The following MAML3 variants were observed in gnomAD, a reference collection of about 807,000 sequenced individuals.
The protein encoded by MAML3 is mastermind-like protein 3.
A neutral mutation model predicts 101.9 loss-of-function variants in MAML3; 27 were observed. The observed-to-expected ratio is 0.27, with a 90% CI of 0.20 to 0.37. The LOEUF (loss-of-function observed/expected upper bound fraction) is 0.37. MAML3 is among the 10% of genes least tolerant of loss of function. The pLI is 1.00. For synonymous variants in MAML3, 501 were observed against 555.9 expected, an observed-to-expected ratio of 0.90 and a Z score of 1.39; for missense variants, 1,316 against 1,444.9, an observed-to-expected ratio of 0.91 and a Z score of 1.45.
At chr4:140,071,138 G>A (rs1016920870) in intron 1 of MAML3, among the ~76,000 whole-genome samples, 1 of 152,162 alleles carries the variant, frequency 6.6e-6, no homozygotes, top group Non-Finnish European at 1.5e-5. Flanking sequence ...GTCATTGTTG[G>A]GAGGACAAAA....
intron 1 of MAML3, among the ~76,000 whole-genome samples, chr4:140,059,437 C>A (rs891952566): frequency 6.6e-6 from 1 of 152,182 alleles, no homozygotes; most frequent in Admixed American, 6.5e-5. Context: ...CATCTGATAA[C>A]ACCCAGTTCC....
intron 2 of MAML3, among the ~76,000 whole-genome samples, chr4:139,771,979 C>G (rs1187403861): frequency 6.6e-6 from 1 of 150,958 alleles, no homozygotes; most frequent in Non-Finnish European, 1.5e-5. Context: ...GTGGCTCACG[C>G]CTGTAATCCC....
intron 2 of MAML3, among the ~76,000 whole-genome samples, chr4:139,848,690 T>G (rs1385254152): frequency 6.6e-6 from 1 of 152,210 alleles, no homozygotes; most frequent in Non-Finnish European, 1.5e-5. Flanking sequence ...CACTTACGTC[T>G]TATATAAATA....
At chr4:139,880,192 C>A (rs1358873828) in intron 2 of MAML3, among the ~76,000 whole-genome samples, 4 of 150,106 alleles carry the variant, frequency 2.7e-5, no homozygotes, top group Non-Finnish European at 5.9e-5. Flanking sequence ...AAAAAAAAAA[C>A]AAACAAAAAA....
chr4:139,979,942 T>C (rs1188192181), intron 1 of MAML3, among the ~76,000 whole-genome samples: 2 of 152,134 alleles, frequency 1.3e-5, no homozygotes, highest in Non-Finnish European at 2.9e-5. Context: ...AGTAGGAATA[T>C]CCCATTGTCC....
chr4:139,988,305 C>G (rs10009163), intron 1 of MAML3, among the ~76,000 whole-genome samples: 3 of 124,312 alleles, frequency 2.4e-5, no homozygotes, highest in Admixed American at 2.1e-4. Flanking sequence ...CCAGCCTGGG[C>G]GACAGAGTGA....
In MAML3 at chr4:139,890,447, T is replaced by C. The variant is rs1732451935; in HGVS notation, c.989A>G (p.Asn330Ser). 3 of 1,611,748 alleles carry C rather than the reference T, an allele frequency of 1.9e-6. No individual in the cohort carries two copies. The highest frequency in any genetic ancestry group is 1.7e-4 in the Middle Eastern group (1 of 6,056). The change falls in exon 2 of 5, where the codon AAC becomes AGC. Residue 330 changes from asparagine to serine, a missense_variant. Transcript: ENST00000509479. This position sits in a 1 kb window ranked among gnomAD's most constrained non-coding sequence, Gnocchi z 4.1. ...CTCCTTCTTCTCTTCAAAGTCTTCGTTGAACAGGTCCTGTATGTCATCCTC... is the reference window on the plus strand; with the variant it reads ...CTCCTTCTTCTCTTCAAAGTCTTCGCTGAACAGGTCCTGTATGTCATCCTC... Reference protein sequence around the residue: ...VPEDDIQDLFNEDFEEKKEPE... With the variant: ...VPEDDIQDLFSEDFEEKKEPE...
intron 2 of MAML3, among the ~76,000 whole-genome samples, chr4:139,741,844 T>C (rs1350504580): frequency 1.3e-5 from 2 of 152,226 alleles, no homozygotes; most frequent in East Asian, 1.9e-4. Flanking sequence ...CACGGTATAA[T>C]TGCCCTATGC....
chr4:140,057,382 C>T (rs903377045), intron 1 of MAML3, among the ~76,000 whole-genome samples: 1 of 152,030 alleles, frequency 6.6e-6, no homozygotes, highest in Non-Finnish European at 1.5e-5. Context: ...TAAATCTTTT[C>T]TGTTTTACCA....
intron 1 of MAML3, among the ~76,000 whole-genome samples, chr4:140,081,782 C>T (rs1197825639): frequency 2.6e-5 from 4 of 152,146 alleles, no homozygotes; most frequent in Non-Finnish European, 5.9e-5. Flanking sequence ...CTAGGCTGCC[C>T]GTAGATCTCC....
At chr4:140,013,433 T>C (rs1458125890) in intron 1 of MAML3, among the ~76,000 whole-genome samples, 1 of 152,208 alleles carries the variant, frequency 6.6e-6, no homozygotes, top group Non-Finnish European at 1.5e-5. Flanking sequence ...TCACTCTCAC[T>C]AGCCATTAAG....
At chr4:140,127,919 A>G (rs948664039) in intron 1 of MAML3, 1 of 152,242 alleles carries the variant, frequency 6.6e-6, no homozygotes, top group Non-Finnish European at 1.5e-5. Flanking sequence ...TTATGTGTAC[A>G]TCAAGAGCTG....
chr4:140,011,633 C>T (rs930446766), intron 1 of MAML3, among the ~76,000 whole-genome samples: 58 of 152,090 alleles, frequency 3.8e-4, no homozygotes, highest in Admixed American at 3.7e-3. Context: ...CGTGAGCCAC[C>T]GCGCCCGGCC....
chr4:139,718,387 A>AT lies in MAML3; in HGVS notation c.*935_*936insA. The AT allele has an allele frequency of 6.6e-6, 1 of 152,430 alleles. No individual in the cohort carries two copies. The highest frequency in any genetic ancestry group is 1.5e-5 in the Non-Finnish European group (1 of 68,116). 9.4% of individuals were successfully genotyped at this position (152,430 alleles called of 1,614,324 possible). Reference sequence around the variant, plus strand: ...CTTGGATAGTCTGTAAGGAGAAGCAAGGGGAGGCTGGTGTGGAGGCAAGGA... The same window carrying AT: ...CTTGGATAGTCTGTAAGGAGAAGCAATGGGGAGGCTGGTGTGGAGGCAAGGA... On this transcript the variant is annotated 3_prime_UTR_variant, in exon 5 of 5. Coordinates refer to ENST00000509479, the MANE Select transcript of MAML3 (RefSeq NM_018717.5).
intron 1 of MAML3, among the ~76,000 whole-genome samples, chr4:139,922,234 T>C (rs1733143149): frequency 6.6e-6 from 1 of 152,110 alleles, no homozygotes; most frequent in Non-Finnish European, 1.5e-5. Context: ...CCAAGGGGTA[T>C]ACTTATTTAT....
chr4:140,013,683 C>T (rs1182090600), intron 1 of MAML3, among the ~76,000 whole-genome samples: 1 of 152,180 alleles, frequency 6.6e-6, no homozygotes, highest in Non-Finnish European at 1.5e-5. Flanking sequence ...GTCATACAAC[C>T]AAGAAAAAGC....
intron 1 of MAML3, among the ~76,000 whole-genome samples, chr4:140,142,968 T>C (rs1014477448): frequency 6.6e-6 from 1 of 152,182 alleles, no homozygotes; most frequent in African/African-American, 2.4e-5. Context: ...CTTAATCTTA[T>C]TCCCCACCAC....
At chr4:140,091,532 C>CAAAAAAAA (rs1218380120) in intron 1 of MAML3, among the ~76,000 whole-genome samples, 1 of 12,082 alleles carries the variant, frequency 8.3e-5, no homozygotes, top group Non-Finnish European at 4.8e-4. Flanking sequence ...AACAAAACAA[C>CAAAAAAAA]AAAACAAAAA....
intron 1 of MAML3, among the ~76,000 whole-genome samples, chr4:139,930,059 T>C (rs1268776325): frequency 6.6e-6 from 1 of 152,206 alleles, no homozygotes; most frequent in Non-Finnish European, 1.5e-5. Flanking sequence ...GTGTCTCTCC[T>C]GCCCCAAAGG....
Sources: gnomAD v4.1 joint callset for allele counts (sites outside exome capture counted in the v4.1 genomes callset) on GRCh38, gnomAD v4.1.1 for gene constraint, Gnocchi (gnomAD v3.1) non-coding constraint, MANE v1.5 for transcripts, NCBI Gene and HGNC (gene_info 2026-07-23, HGNC 2026-07-21) for gene names.